Variants in ACTR3C observed in about 807,000 individuals in gnomAD.
The protein encoded by ACTR3C is actin related protein 3C.
In ACTR3C, 18 loss-of-function variants were observed where a neutral mutation model predicts 26.3. The observed-to-expected ratio is 0.68, with a 90% CI of 0.47 to 1.01. The LOEUF (loss-of-function observed/expected upper bound fraction) is 1.01, where lower values mean the gene tolerates loss of function less well. Ranked by LOEUF, ACTR3C falls within the 50% of genes least tolerant of loss-of-function variation. The pLI, the probability that ACTR3C is intolerant of heterozygous loss-of-function variation, is 0.00. For synonymous variants in ACTR3C, 55 were observed against 94.5 expected, an observed-to-expected ratio of 0.58 and a Z score of 2.42; for missense variants, 184 against 250.7, an observed-to-expected ratio of 0.73 and a Z score of 1.80.
chr7:150,144,363 T>A, the ACTR3C span, among the ~76,000 whole-genome samples: 1 of 152,206 alleles, frequency 6.6e-6, no homozygotes, highest in African/African-American at 2.4e-5. The surrounding 1 kb of genome is among the most constrained non-coding windows in gnomAD (Gnocchi z 4.6). Flanking sequence ...ACATAGAAGG[T>A]AATTTATTTG....
At chr7:150,054,128 G>A in the ACTR3C span, among the ~76,000 whole-genome samples, 517 of 152,250 alleles carry the variant, frequency 3.4e-3, 8 homozygotes, top group Admixed American at 0.029. Context: ...GAGTAGCAGC[G>A]TCTTCTTTCA....
At chr7:149,980,257 G>A in the ACTR3C span, among the ~76,000 whole-genome samples, 1 of 152,204 alleles carries the variant, frequency 6.6e-6, no homozygotes, top group African/African-American at 2.4e-5. Context: ...AACACACACT[G>A]AGAAAATAAT....
the ACTR3C span, among the ~76,000 whole-genome samples, chr7:150,034,851 A>T: frequency 7.0e-6 from 1 of 143,660 alleles, no homozygotes; most frequent in Admixed American, 6.9e-5. Flanking sequence ...GTGTCCTAAG[A>T]GCCAGTGGGG....
chr7:150,006,866 T>C, the ACTR3C span, among the ~76,000 whole-genome samples: 14 of 152,238 alleles, frequency 9.2e-5, no homozygotes, highest in Admixed American at 9.2e-4. Context: ...ACCTTAGATT[T>C]CAAAACATAC....
At chr7:150,038,022 G>A in the ACTR3C span, among the ~76,000 whole-genome samples, 111 of 137,608 alleles carry the variant, frequency 8.1e-4, 8 homozygotes, top group East Asian at 2.9e-3. Context: ...CCCCTGCTAT[G>A]GTGGTCCCAA....
the ACTR3C span, among the ~76,000 whole-genome samples, chr7:149,990,125 G>A: frequency 1.2e-4 from 19 of 152,106 alleles, no homozygotes; most frequent in Non-Finnish European, 2.1e-4. Flanking sequence ...TTTCTCTCCA[G>A]GGACTTTGCA....
chr7:150,172,090 G>A, the ACTR3C span, among the ~76,000 whole-genome samples: 2 of 150,888 alleles, frequency 1.3e-5, no homozygotes, highest in South Asian at 2.1e-4. Context: ...GATTACAGGC[G>A]TAAGCCACTG....
chr7:150,117,569 G>A, the ACTR3C span, among the ~76,000 whole-genome samples: 1 of 152,242 alleles, frequency 6.6e-6, no homozygotes, highest in East Asian at 1.9e-4. Flanking sequence ...CTGAAAGAAA[G>A]GCAGCAGCCC....
chr7:150,130,571 T>C, the ACTR3C span, among the ~76,000 whole-genome samples: 1 of 152,226 alleles, frequency 6.6e-6, no homozygotes, highest in South Asian at 2.1e-4. Flanking sequence ...TCATCATTTG[T>C]CACAATCTGC....
the ACTR3C span, among the ~76,000 whole-genome samples, chr7:150,078,157 C>T: frequency 6.6e-6 from 1 of 152,184 alleles, no homozygotes; most frequent in African/African-American, 2.4e-5. Flanking sequence ...GATGTTTTTC[C>T]TGGCCTCTAC....
At chr7:149,907,731 A>G in the ACTR3C span, among the ~76,000 whole-genome samples, 148,793 of 151,210 alleles carry the variant, frequency 0.98, 73,243 homozygotes, top group Middle Eastern at 1. Context: ...GAATGCTACC[A>G]ACAGCTTTAA....
At chr7:150,209,248 C>CAG in the ACTR3C span, among the ~76,000 whole-genome samples, 27 of 138,044 alleles carry the variant, frequency 2.0e-4, no homozygotes, top group East Asian at 5.0e-3. Context: ...CAGAGAGAGA[C>CAG]AGAGAGAGAG....
At chr7:150,142,954 C>T in the ACTR3C span, among the ~76,000 whole-genome samples, 341 of 152,124 alleles carry the variant, frequency 2.2e-3, 1 homozygote, top group Middle Eastern at 0.017. Context: ...TTTGCCTCAG[C>T]CTCCCCAGTA....
the ACTR3C span, among the ~76,000 whole-genome samples, chr7:150,220,166 T>C: frequency 1.4e-5 from 2 of 147,252 alleles, no homozygotes. Flanking sequence ...CCTGCCGGAG[T>C]CTCCACTCGC....
chr7:150,059,662 A>C, the ACTR3C span, among the ~76,000 whole-genome samples: 13 of 151,996 alleles, frequency 8.6e-5, no homozygotes, highest in Non-Finnish European at 1.8e-4. Context: ...TTAAAATAAC[A>C]CTCTTATGTT....
the ACTR3C span, among the ~76,000 whole-genome samples, chr7:150,037,091 G>C: frequency 1.8e-5 from 2 of 112,924 alleles, 1 homozygote; most frequent in East Asian, 4.8e-4. Flanking sequence ...TCGTGCGATG[G>C]GGGTCCTAAG....
chr7:150,288,049 G>C (rs143375978), intron 4 of ACTR3C, among the ~76,000 whole-genome samples: 2 of 145,846 alleles, frequency 1.4e-5, no homozygotes, highest in South Asian at 2.3e-4. Flanking sequence ...AAGGGGAAGC[G>C]GGGGGAGCTC....
the ACTR3C span, among the ~76,000 whole-genome samples, chr7:150,143,580 G>A: frequency 9.2e-5 from 14 of 152,168 alleles, no homozygotes; most frequent in African/African-American, 3.4e-4. Context: ...CACACCCTGA[G>A]TCCTCTTCCC....
the ACTR3C span, among the ~76,000 whole-genome samples, chr7:150,179,844 A>G: frequency 6.6e-6 from 1 of 151,626 alleles, no homozygotes; most frequent in South Asian, 2.1e-4. Context: ...GAAAAATAAA[A>G]TGCTTTTCTT....
Sources: gnomAD v4.1 joint callset for allele counts (sites outside exome capture counted in the v4.1 genomes callset) on GRCh38, gnomAD v4.1.1 for gene constraint, Gnocchi (gnomAD v3.1) non-coding constraint, MANE v1.5 for transcripts, NCBI Gene and HGNC (gene_info 2026-07-23, HGNC 2026-07-21) for gene names.